The following STAC variants were observed in gnomAD, a reference collection of about 807,000 sequenced individuals.
The protein encoded by STAC is SH3 and cysteine-rich domain-containing protein.
STAC carries 43 observed loss-of-function variants against 48.8 expected under a neutral mutation model. The observed-to-expected ratio is 0.88, with a 90% confidence interval of 0.69 to 1.14. STAC has a LOEUF of 1.14. STAC is among the 50% of genes most tolerant of loss of function. The pLI is 0.00. For synonymous variants in STAC, 193 were observed against 179.5 expected (o/e 1.07, Z -0.60); for missense variants, 497 against 504.0 (o/e 0.99, Z 0.13).
chr3:36,404,331 A>C (rs1320540646), intron 1 of STAC, among the ~76,000 whole-genome samples: 1 of 152,192 alleles, frequency 6.6e-6, no homozygotes, highest in Non-Finnish European at 1.5e-5. Flanking sequence ...AATTAATGGC[A>C]GATTACTTAA....
chr3:36,423,249 C>T lies in STAC; in HGVS notation c.112-20115C>T, dbSNP rs182427904. On this transcript the variant is annotated intron_variant, in intron 1 of 10. Coordinates refer to ENST00000273183, the MANE Select transcript of STAC (RefSeq NM_003149.3). ...TCACTGTATTCCATTAGCAAAAACA[C>T]AGTCTTGTTTCTGCCTTTATCAGCC... 2.0e-5 allele frequency among the ~76,000 whole-genome samples: 3 copies of T among 152,156 alleles called. No individual in the cohort carries two copies. In the East Asian group the frequency reaches 5.8e-4, roughly 29 times the overall value.
intron 2 of STAC, among the ~76,000 whole-genome samples, chr3:36,454,995 C>A (rs1696811312): frequency 6.6e-6 from 1 of 152,036 alleles, no homozygotes; most frequent in South Asian, 2.1e-4. Flanking sequence ...ATTGTAGGAG[C>A]CTTTTCAGAT....
rs1488755282 is a variant in STAC at position 36,440,342 on chromosome 3, A to G, written c.112-3022A>G. 2.0e-5 allele frequency among the ~76,000 whole-genome samples: 3 copies of G among 152,206 alleles called. No individual in the cohort carries two copies. In the East Asian group the frequency reaches 5.8e-4, roughly 29 times the overall value. ...GAACACCAGTCATCTTTTTAGTTGA[A>G]GAGTGTGTGGGTTGACAATTTGACA... On this transcript the variant is annotated intron_variant, in intron 1 of 10. Coordinates refer to ENST00000273183, the MANE Select transcript of STAC (RefSeq NM_003149.3).
At position 36,470,607 on chromosome 3, in the gene STAC, T is replaced by G. The variant is rs1053247082; in HGVS notation, c.389-12385T>G. Among the ~76,000 whole-genome samples the G allele has an allele frequency of 2.2e-4, 34 of 152,128 alleles. 1 individual carries two copies. The highest frequency in any genetic ancestry group is 5.9e-5 in the Non-Finnish European group (4 of 68,030). On this transcript the variant is annotated intron_variant, in intron 2 of 10. Transcript: ENST00000273183. ...CATCAGTTTTTCATGTGTCAGGGAG[T>G]CTGTAGCAGTGATCCAGTTTCTTCG...
chr3:36,475,129 G>GA (rs1697458103), intron 2 of STAC, among the ~76,000 whole-genome samples: 1 of 152,062 alleles, frequency 6.6e-6, no homozygotes, highest in Admixed American at 6.5e-5. Flanking sequence ...ATGAGAAGGG[G>GA]AAAAATCATG....
chr3:36,421,901 T>A (rs1245764297), intron 1 of STAC, among the ~76,000 whole-genome samples: 3 of 152,158 alleles, frequency 2.0e-5, no homozygotes, highest in African/African-American at 7.2e-5. Context: ...TAATCTAGTT[T>A]GGTCATCTCA....
At chr3:36,408,129 T>G (rs1211083623) in intron 1 of STAC, among the ~76,000 whole-genome samples, 1 of 152,214 alleles carries the variant, frequency 6.6e-6, no homozygotes, top group Non-Finnish European at 1.5e-5. Context: ...GGTGGACTCT[T>G]GTATACAATA....
chr3:36,541,001 T>C (rs1186872060), intron 10 of STAC, among the ~76,000 whole-genome samples: 1 of 152,144 alleles, frequency 6.6e-6, no homozygotes, highest in Non-Finnish European at 1.5e-5. Flanking sequence ...AGTTCTTGGG[T>C]TGATAATTCA....
chr3:36,511,801 T>C (rs1180520075), intron 8 of STAC, among the ~76,000 whole-genome samples: 1 of 152,176 alleles, frequency 6.6e-6, no homozygotes, highest in Non-Finnish European at 1.5e-5. Context: ...GAAATTACCC[T>C]TCTCCTCTTT....
chr3:36,536,543 A>C (rs758576824), intron 10 of STAC, among the ~76,000 whole-genome samples: 2 of 152,200 alleles, frequency 1.3e-5, no homozygotes, highest in Non-Finnish European at 2.9e-5. Context: ...GGCTAGCCAT[A>C]TGCAGAAGAT....
intron 1 of STAC, among the ~76,000 whole-genome samples, chr3:36,395,897 A>G (rs916438386): frequency 6.6e-6 from 1 of 150,974 alleles, no homozygotes; most frequent in Non-Finnish European, 1.5e-5. Flanking sequence ...AAACACATTG[A>G]TTTTTGGCTT....
At chr3:36,501,457 C>CA (rs58832791) in intron 6 of STAC, among the ~76,000 whole-genome samples, 16,878 of 151,576 alleles carry the variant, frequency 0.11, 1,158 homozygotes, top group East Asian at 0.3. Context: ...AAAATAAATA[C>CA]AAAAAAGAGA....
At chr3:36,410,735 G>C (rs542803981) in intron 1 of STAC, among the ~76,000 whole-genome samples, 1 of 152,276 alleles carries the variant, frequency 6.6e-6, no homozygotes. Context: ...GATGTATTCA[G>C]CAGCAAATTG....
intron 1 of STAC, among the ~76,000 whole-genome samples, chr3:36,395,023 A>G (rs1344407700): frequency 1.0e-5 from 1 of 100,166 alleles, no homozygotes; most frequent in Non-Finnish European, 1.9e-5. Context: ...CAAAAGATAT[A>G]TAGATATATA....
At chr3:36,402,219 A>G (rs894779547) in intron 1 of STAC, among the ~76,000 whole-genome samples, 9 of 152,188 alleles carry the variant, frequency 5.9e-5, no homozygotes, top group Non-Finnish European at 1.3e-4. Flanking sequence ...GAATAATGTA[A>G]TGAATAAGAT....
chr3:36,412,330 G>A (rs1021589322), intron 1 of STAC, among the ~76,000 whole-genome samples: 8 of 152,088 alleles, frequency 5.3e-5, no homozygotes, highest in Admixed American at 1.3e-4. Flanking sequence ...CAAAACTCTC[G>A]AGAAATCTAC....
In STAC at chr3:36,547,668, C is replaced by T. The variant is rs1439376411; in HGVS notation, c.*1379C>T. ...AAGACTTAAGTGGATGCATCCTATG[C>T]ATGTAAGCATTATTTCCCAAACCAA... On this transcript the variant is annotated 3_prime_UTR_variant, in exon 11 of 11. Coordinates refer to ENST00000273183, the MANE Select transcript of STAC (RefSeq NM_003149.3). 6.7e-6 allele frequency: 1 copy of T among 149,958 alleles called. No homozygotes were observed. Among genetic ancestry groups the T allele is most frequent in the Non-Finnish European group, 1.5e-5 (1 of 66,316 alleles). 9.3% of individuals were successfully genotyped at this position (149,958 alleles called of 1,614,324 possible). A position where few individuals can be genotyped will look rare whatever the true frequency, so the allele number is the denominator to read the frequency against.
At chr3:36,490,330 A>G (rs1697934133) in intron 5 of STAC, among the ~76,000 whole-genome samples, 1 of 152,046 alleles carries the variant, frequency 6.6e-6, no homozygotes, top group Admixed American at 6.6e-5. Context: ...CACAGAGCTC[A>G]CTCTCAGCTT....
At chr3:36,468,120 A>G (rs1697228112) in intron 2 of STAC, among the ~76,000 whole-genome samples, 1 of 152,106 alleles carries the variant, frequency 6.6e-6, no homozygotes, top group Non-Finnish European at 1.5e-5. Context: ...ATCATTCAGG[A>G]GCAGGTTATT....
Sources: gnomAD v4.1 joint callset for allele counts (sites outside exome capture counted in the v4.1 genomes callset) on GRCh38, gnomAD v4.1.1 for gene constraint, MANE v1.5 for transcripts, NCBI Gene and HGNC (gene_info 2026-07-23, HGNC 2026-07-21) for gene names.